Variants in KCNJ3 observed in about 807,000 individuals in gnomAD.
KCNJ3 encodes potassium inwardly rectifying channel subfamily J member 3.
In KCNJ3, 4 loss-of-function variants were observed where a neutral mutation model predicts 39.2. That is an observed-to-expected ratio of 0.10 (90% CI 0.05 to 0.23). KCNJ3 has a LOEUF of 0.23. Ranked by LOEUF, KCNJ3 falls within the 10% of genes least tolerant of loss-of-function variation. The probability of loss-of-function intolerance (pLI) is 1.00; values close to 1 mark genes in which losing one functional copy is unlikely to be tolerated. For missense variants in KCNJ3, 276 were observed against 634.9 expected (o/e 0.43, Z 6.08); for synonymous variants, 230 against 237.4 (o/e 0.97, Z 0.29).
At chr2:154,823,694 C>T (rs1308896035) in intron 2 of KCNJ3, among the ~76,000 whole-genome samples, 1 of 151,982 alleles carries the variant, frequency 6.6e-6, no homozygotes, top group Admixed American at 6.6e-5. Flanking sequence ...AAGTGGTGTC[C>T]CCAATCTTAC....
At chr2:154,790,595 T>C (rs1238393058) in intron 2 of KCNJ3, among the ~76,000 whole-genome samples, 2 of 152,236 alleles carry the variant, frequency 1.3e-5, no homozygotes, top group Admixed American at 6.6e-5. Context: ...TTAAATGCTT[T>C]GAAGAAGGTT....
chr2:154,780,460 G>A (rs923748159), intron 2 of KCNJ3, among the ~76,000 whole-genome samples: 9 of 152,178 alleles, frequency 5.9e-5, no homozygotes, highest in African/African-American at 2.2e-4. Context: ...CATTATCAGT[G>A]TGAAGGGTGT....
At chr2:154,701,795 A>T (rs2105144882) in intron 1 of KCNJ3, among the ~76,000 whole-genome samples, 1 of 152,212 alleles carries the variant, frequency 6.6e-6, no homozygotes, top group African/African-American at 2.4e-5. Context: ...ATATTTAAAC[A>T]AAATTATGGT....
chr2:154,848,696 A>G lies in KCNJ3; in HGVS notation c.920-6031A>G, dbSNP rs900350757. ...CTAGAATATAAGTACTATTCTTAATATAATTTTCAAGATTAGAAAAACGGA... is the reference window on the plus strand; with the variant it reads ...CTAGAATATAAGTACTATTCTTAATGTAATTTTCAAGATTAGAAAAACGGA... On this transcript the variant is annotated intron_variant, in intron 2 of 2. Coordinates refer to ENST00000295101, the MANE Select transcript of KCNJ3 (RefSeq NM_002239.4). Among the ~76,000 whole-genome samples, 12 of 152,174 alleles carry G rather than the reference A, an allele frequency of 7.9e-5. 2 individuals carry two copies. Among genetic ancestry groups the G allele is most frequent in the Admixed American group, 7.2e-4 (11 of 15,268 alleles).
At chr2:154,726,236 G>T (rs1451195672) in intron 2 of KCNJ3, among the ~76,000 whole-genome samples, 3 of 152,024 alleles carry the variant, frequency 2.0e-5, no homozygotes, top group Non-Finnish European at 4.4e-5. Context: ...CTAATATCCA[G>T]AATTTATAAG....
chr2:154,840,493 G>C (rs1404530402), intron 2 of KCNJ3, among the ~76,000 whole-genome samples: 1 of 152,156 alleles, frequency 6.6e-6, no homozygotes, highest in Non-Finnish European at 1.5e-5. Context: ...GTAGCTTGAT[G>C]GGGATGGCAT....
At position 154,771,143 on chromosome 2, in the gene KCNJ3, G is replaced by A. The variant is rs538255597; in HGVS notation, c.919+61324G>A. ...TGACCTCAAGTGATCTGCCCGCCTC[G>A]GCCTCCCAGAGTGCTGAGATTACAG... On this transcript the variant is annotated intron_variant, in intron 2 of 2. Transcript: ENST00000295101. Among the ~76,000 whole-genome samples the A allele has an allele frequency of 3.3e-5, 5 of 151,998 alleles. No individual in the cohort carries two copies. In the East Asian group the frequency reaches 7.8e-4, roughly 24 times the overall value.
In KCNJ3 at chr2:154,698,703, A is replaced by G. The variant is rs1267364422; in HGVS notation, c.-73A>G. ...TTTCCTCCCCCGCCCCCACCTCCTT[A>G]TTGGTGCTAGTTTGCAGCGCCCAGC... On this transcript the variant is annotated 5_prime_UTR_variant, in exon 1 of 3. Transcript: ENST00000295101. 2.8e-5 allele frequency: 9 copies of G among 322,948 alleles called. No individual in the cohort carries two copies. Among genetic ancestry groups the G allele is most frequent in the Non-Finnish European group, 3.8e-5 (7 of 186,224 alleles). The allele number at this position is 322,948 out of a possible 1,614,324, so 20.0% of individuals were successfully genotyped here. A position where few individuals can be genotyped will look rare whatever the true frequency, so the allele number is the denominator to read the frequency against.
At chr2:154,820,156 C>G (rs76677496) in intron 2 of KCNJ3, among the ~76,000 whole-genome samples, 9,513 of 152,050 alleles carry the variant, frequency 0.063, 370 homozygotes, top group African/African-American at 0.1. Context: ...CAAATTCCAC[C>G]AGTTGTTTTC....
chr2:154,719,595 C>T (rs1685233973), intron 2 of KCNJ3, among the ~76,000 whole-genome samples: 1 of 152,110 alleles, frequency 6.6e-6, no homozygotes, highest in Non-Finnish European at 1.5e-5. Flanking sequence ...AATTCTGATC[C>T]TTGAAACTGC....
rs143213991 is a variant in KCNJ3, at chr2:154,699,261, C to T, written c.486C>T (p.Phe162=). The change falls in exon 1 of 3, where the codon TTC becomes TTT. Residue 162 remains phenylalanine (F), a synonymous_variant. Coordinates refer to ENST00000295101, the MANE Select transcript of KCNJ3 (RefSeq NM_002239.4). This position sits in a 1 kb window ranked among gnomAD's most constrained non-coding sequence, Gnocchi z 6.4. ...TDKCPEGIIL[F]LFQSILGSIV... ...AGTGCCCCGAGGGCATCATCCTCTT[C>T]CTCTTCCAGTCCATCCTGGGCTCCA... The T allele has an allele frequency of 1.5e-5, 24 of 1,614,016 alleles. No homozygotes were observed. The Admixed American group carries it at 2.2e-4, about 15-fold the overall frequency.
intron 2 of KCNJ3, among the ~76,000 whole-genome samples, chr2:154,814,037 C>T (rs1488645972): frequency 6.6e-6 from 1 of 152,208 alleles, no homozygotes; most frequent in Non-Finnish European, 1.5e-5. Flanking sequence ...TGCTACACTT[C>T]TCCAACAATG....
chr2:154,724,218 T>C lies in KCNJ3; in HGVS notation c.919+14399T>C, dbSNP rs901238193. On this transcript the variant is annotated intron_variant, in intron 2 of 2. Transcript: ENST00000295101. ...TGGTGACAATTTCCCATTAATAAAA[T>C]ACCATGAAGATCTGAGATTACACAG... Among the ~76,000 whole-genome samples, 7 of 152,126 alleles carry C rather than the reference T, an allele frequency of 4.6e-5. No individual in the cohort carries two copies. The East Asian group carries it at 1.3e-3, about 29-fold the overall frequency.
At chr2:154,800,088 A>C (rs1686785117) in intron 2 of KCNJ3, among the ~76,000 whole-genome samples, 1 of 152,186 alleles carries the variant, frequency 6.6e-6, no homozygotes, top group African/African-American at 2.4e-5. Flanking sequence ...TCTACACTAA[A>C]GAGCGTGTTT....
chr2:154,698,726 A>G lies in KCNJ3; in HGVS notation c.-50A>G. On this transcript the variant is annotated 5_prime_UTR_variant, in exon 1 of 3. Transcript: ENST00000295101. Reference sequence around the variant, plus strand: ...TTATTGGTGCTAGTTTGCAGCGCCCAGCTCCTGCGCCTTCGCTTCGCGTTT... The same window carrying G: ...TTATTGGTGCTAGTTTGCAGCGCCCGGCTCCTGCGCCTTCGCTTCGCGTTT... The G allele has an allele frequency of 1.4e-6, 1 of 724,094 alleles. No individual in the cohort carries two copies. The highest frequency in any genetic ancestry group is 2.0e-6 in the Non-Finnish European group (1 of 491,742). 44.9% of individuals were successfully genotyped at this position (724,094 alleles called of 1,614,324 possible).
chr2:154,733,534 C>A (rs1373356890), intron 2 of KCNJ3, among the ~76,000 whole-genome samples: 1 of 152,096 alleles, frequency 6.6e-6, no homozygotes, highest in Non-Finnish European at 1.5e-5. Flanking sequence ...TCAGTGATAT[C>A]CACTTGCGTT....
rs551541803 is a variant in KCNJ3, at chr2:154,827,073, T to C, written c.920-27654T>C. On this transcript the variant is annotated intron_variant, in intron 2 of 2. Transcript: ENST00000295101. ...CTTGTTTCGTTTTCTGATTGGTATA[T>C]CCTGTTCTTGGAGATGACAACCTTT... Among the ~76,000 whole-genome samples, 3 of 152,300 alleles carry C rather than the reference T, an allele frequency of 2.0e-5. No homozygotes were observed. The South Asian group carries it at 6.2e-4, about 32-fold the overall frequency.
At chr2:154,840,861 C>T (rs573665798) in intron 2 of KCNJ3, among the ~76,000 whole-genome samples, 2 of 152,110 alleles carry the variant, frequency 1.3e-5, no homozygotes, top group Non-Finnish European at 2.9e-5. Flanking sequence ...TCTAAATATA[C>T]GATCATGTCA....
intron 2 of KCNJ3, among the ~76,000 whole-genome samples, chr2:154,796,860 T>TA (rs1167783148): frequency 6.6e-6 from 1 of 152,056 alleles, no homozygotes; most frequent in African/African-American, 2.4e-5. Flanking sequence ...CTCTTAAGGG[T>TA]AAAAAAATCT....
Sources: gnomAD v4.1 joint callset for allele counts (sites outside exome capture counted in the v4.1 genomes callset) on GRCh38, gnomAD v4.1.1 for gene constraint, Gnocchi (gnomAD v3.1) non-coding constraint, MANE v1.5 for transcripts, NCBI Gene and HGNC (gene_info 2026-07-23, HGNC 2026-07-21) for gene names.